CCSER1: variants seen among roughly 807,000 people sequenced by gnomAD.
The protein encoded by CCSER1 is serine-rich coiled-coil domain-containing protein 1.
Under a neutral mutation model 82.0 loss-of-function variants are expected in CCSER1, and 41 were observed. The observed-to-expected ratio is 0.50, with a 90% CI of 0.39 to 0.65. The LOEUF (loss-of-function observed/expected upper bound fraction) is 0.65. Among genes scored for constraint, CCSER1 ranks in the 30% least tolerant of loss-of-function variants. The pLI is 0.00. For missense variants in CCSER1, 1,119 were observed against 1,064.2 expected, an observed-to-expected ratio of 1.05 and a Z score of -0.72; for synonymous variants, 414 against 383.9, an observed-to-expected ratio of 1.08 and a Z score of -0.92.
At chr4:91,197,685 A>G (rs1442747369) in intron 10 of CCSER1, among the ~76,000 whole-genome samples, 1 of 152,164 alleles carries the variant, frequency 6.6e-6, no homozygotes, top group Non-Finnish European at 1.5e-5. Context: ...GCTACTATAA[A>G]TTTAAAAATT....
chr4:91,183,093 T>C (rs1734197324), intron 10 of CCSER1, among the ~76,000 whole-genome samples: 1 of 152,250 alleles, frequency 6.6e-6, no homozygotes, highest in African/African-American at 2.4e-5. Flanking sequence ...TGAGCCCTAA[T>C]GTGAGTGATG....
intron 10 of CCSER1, among the ~76,000 whole-genome samples, chr4:91,152,814 G>T (rs1297724856): frequency 6.7e-6 from 1 of 149,248 alleles, no homozygotes; most frequent in South Asian, 2.1e-4. Context: ...CTGAGTTGAA[G>T]ATTCTTTTCT....
At chr4:91,155,427 A>G (rs182506740) in intron 10 of CCSER1, among the ~76,000 whole-genome samples, 1 of 151,890 alleles carries the variant, frequency 6.6e-6, no homozygotes, top group African/African-American at 2.4e-5. Context: ...TCCTTTATAA[A>G]TTACCCAGTG....
At chr4:90,430,178 G>T (rs1458216117) in intron 4 of CCSER1, among the ~76,000 whole-genome samples, 3 of 151,816 alleles carry the variant, frequency 2.0e-5, no homozygotes, top group African/African-American at 7.2e-5. Context: ...GTTACAATTT[G>T]TACTTATTTT....
At chr4:90,389,073 A>G (rs1464421213) in intron 3 of CCSER1, among the ~76,000 whole-genome samples, 2 of 152,206 alleles carry the variant, frequency 1.3e-5, no homozygotes, top group Non-Finnish European at 2.9e-5. Flanking sequence ...TTTTTTAAGA[A>G]CTACAACGAT....
chr4:90,505,292 A>G (rs866588753), intron 5 of CCSER1, among the ~76,000 whole-genome samples: 4 of 152,362 alleles, frequency 2.6e-5, no homozygotes, highest in African/African-American at 4.8e-5. Flanking sequence ...GGCAGACTGC[A>G]ACTGGGCTTC....
chr4:90,519,933 TG>T (rs1772866732), intron 5 of CCSER1, among the ~76,000 whole-genome samples: 1 of 152,054 alleles, frequency 6.6e-6, no homozygotes, highest in African/African-American at 2.4e-5. Flanking sequence ...AAAACTACAT[TG>T]ATTGGTTTAA....
chr4:90,802,367 A>G (rs566604875), intron 7 of CCSER1, among the ~76,000 whole-genome samples: 1 of 150,174 alleles, frequency 6.7e-6, no homozygotes, highest in South Asian at 2.1e-4. Context: ...CAGTAAAGAT[A>G]TCCTAAAAAT....
intron 1 of CCSER1, among the ~76,000 whole-genome samples, chr4:90,305,344 T>A (rs1223373862): frequency 6.6e-6 from 1 of 152,242 alleles, no homozygotes; most frequent in African/African-American, 2.4e-5. Context: ...CATTGAAGTC[T>A]GTAGGTTCAC....
At chr4:90,617,234 AT>A (rs923802033) in intron 5 of CCSER1, among the ~76,000 whole-genome samples, 4 of 151,176 alleles carry the variant, frequency 2.6e-5, no homozygotes, top group African/African-American at 4.9e-5. Context: ...GGGGGGAATT[AT>A]TTTTTTTTCT....
intron 5 of CCSER1, among the ~76,000 whole-genome samples, chr4:90,600,037 G>C (rs949167906): frequency 6.6e-6 from 1 of 152,106 alleles, no homozygotes; most frequent in African/African-American, 2.4e-5. Context: ...ACTGCAGTGT[G>C]TATCAGTAGG....
chr4:90,661,971 G>T (rs1028926786), intron 6 of CCSER1, among the ~76,000 whole-genome samples: 1 of 149,564 alleles, frequency 6.7e-6, no homozygotes, highest in East Asian at 2.0e-4. Context: ...TGGCTTGTTT[G>T]TCCTATACCA....
intron 10 of CCSER1, among the ~76,000 whole-genome samples, chr4:91,588,599 ATTTCTATATATGTTAGCAGTATTCT>A (rs1391865745): frequency 2.2e-4 from 34 of 151,714 alleles, no homozygotes; most frequent in African/African-American, 7.3e-4. Flanking sequence ...GTATGTTTAT[ATTTCTATATATGTTAGCAGTATTCT>A]TTTCTATATA....
At chr4:90,523,227 A>G (rs1015070680) in intron 5 of CCSER1, among the ~76,000 whole-genome samples, 3 of 152,182 alleles carry the variant, frequency 2.0e-5, no homozygotes, top group African/African-American at 7.2e-5. Context: ...TAAGAAAAGG[A>G]GAAATTGAGT....
At chr4:91,267,595 C>T (rs1011244459) in intron 10 of CCSER1, among the ~76,000 whole-genome samples, 1 of 152,176 alleles carries the variant, frequency 6.6e-6, no homozygotes. Context: ...CTTTCAGGCC[C>T]TCATATTAAT....
At chr4:91,273,936 C>T (rs1159369118) in intron 10 of CCSER1, among the ~76,000 whole-genome samples, 1 of 152,104 alleles carries the variant, frequency 6.6e-6, no homozygotes, top group Non-Finnish European at 1.5e-5. Flanking sequence ...AATAATTAGG[C>T]TTCTTATGGT....
At chr4:90,280,912 G>A (rs1356348087) in intron 1 of CCSER1, among the ~76,000 whole-genome samples, 1 of 151,742 alleles carries the variant, frequency 6.6e-6, no homozygotes, top group Non-Finnish European at 1.5e-5. Context: ...TAAATCACGT[G>A]GTCACATTAC....
chr4:90,263,533 C>T (rs988314119), intron 1 of CCSER1, among the ~76,000 whole-genome samples: 1 of 152,134 alleles, frequency 6.6e-6, no homozygotes, highest in Non-Finnish European at 1.5e-5. Context: ...CTCTGGTTAA[C>T]CAGAGTACTG....
chr4:91,369,853 T>TTTTTTTGTA (rs1749908787), intron 10 of CCSER1, among the ~76,000 whole-genome samples: 1 of 146,946 alleles, frequency 6.8e-6, no homozygotes, highest in African/African-American at 2.6e-5. Context: ...TTTTTTTGTA[T>TTTTTTTGTA]TTTTTTTTAG....
Sources: allele counts gnomAD v4.1 joint callset (sites outside exome capture counted in the v4.1 genomes callset), GRCh38; gene constraint gnomAD v4.1.1; transcripts MANE v1.5; gene names NCBI Gene and HGNC (gene_info 2026-07-23, HGNC 2026-07-21).